SPECC1: variants seen among roughly 807,000 people sequenced by gnomAD.
The protein encoded by SPECC1 is sperm antigen with calponin homology and coiled-coil domains 1.
In SPECC1, 62 loss-of-function variants were observed where a neutral mutation model predicts 104.1. The observed-to-expected ratio is 0.60, with a 90% CI of 0.49 to 0.74. The LOEUF (loss-of-function observed/expected upper bound fraction) is 0.74, where lower values mean the gene tolerates loss of function less well. Among genes scored for constraint, SPECC1 ranks in the 30% least tolerant of loss-of-function variants. The pLI, the probability that SPECC1 is intolerant of heterozygous loss-of-function variation, is 0.00. For synonymous variants in SPECC1, 513 were observed against 501.6 expected (o/e 1.02, Z -0.30); for missense variants, 1,306 against 1,310.5 (o/e 1.00, Z 0.05).
At chr17:20,236,603 T>A (rs981163481) in intron 7 of SPECC1, among the ~76,000 whole-genome samples, 2 of 112,898 alleles carry the variant, frequency 1.8e-5, no homozygotes, top group Non-Finnish European at 3.4e-5. Context: ...CACACAGTTC[T>A]TTGCTGGAGA....
intron 7 of SPECC1, chr17:20,236,770 T>A: frequency 6.5e-7 from 1 of 1,546,740 alleles, no homozygotes; most frequent in Non-Finnish European, 8.9e-7. Flanking sequence ...TGGGACAGTG[T>A]AAGCTGGAAA....
At chr17:20,046,284 C>A (rs1357833425) in intron 1 of SPECC1, among the ~76,000 whole-genome samples, 1 of 152,022 alleles carries the variant, frequency 6.6e-6, no homozygotes, top group Non-Finnish European at 1.5e-5. Context: ...ATTATTTTTA[C>A]ATTATTAATT....
chr17:20,132,195 T>A (rs192006106), intron 3 of SPECC1, among the ~76,000 whole-genome samples: 1 of 152,242 alleles, frequency 6.6e-6, no homozygotes, highest in Non-Finnish European at 1.5e-5. Context: ...TAGATTACAT[T>A]GACTGATTTT....
chr17:20,087,296 G>GT (rs1159372545), intron 1 of SPECC1, among the ~76,000 whole-genome samples: 4 of 152,296 alleles, frequency 2.6e-5, no homozygotes, highest in African/African-American at 7.2e-5. Context: ...AAGCATGACT[G>GT]TGAGTTAAGA....
intron 3 of SPECC1, among the ~76,000 whole-genome samples, chr17:20,176,607 C>A (rs1220508808): frequency 6.6e-6 from 1 of 152,186 alleles, no homozygotes; most frequent in Non-Finnish European, 1.5e-5. Context: ...TGTGTTCCTT[C>A]TGGAGGCTTC....
chr17:20,314,286 T>C lies in SPECC1; in HGVS notation c.*221T>C. 3 of 572,348 alleles carry C rather than the reference T, an allele frequency of 5.2e-6. No homozygotes were observed. The highest frequency in any genetic ancestry group is 9.5e-6 in the Non-Finnish European group (3 of 315,638). 35.5% of individuals were successfully genotyped at this position (572,348 alleles called of 1,614,324 possible). Reference sequence around the variant, plus strand: ...AGCTGGACTGTAAATTGGGGACTCTTTGATCTCTTGTGGGATGCTTCTAAA... The same window carrying C: ...AGCTGGACTGTAAATTGGGGACTCTCTGATCTCTTGTGGGATGCTTCTAAA... On this transcript the variant is annotated 3_prime_UTR_variant, in exon 15 of 15. Transcript: ENST00000395527.
intron 2 of SPECC1, among the ~76,000 whole-genome samples, chr17:20,106,092 G>A (rs2048184422): frequency 6.6e-6 from 1 of 152,188 alleles, no homozygotes; most frequent in African/African-American, 2.4e-5. Context: ...CACCGTGTAT[G>A]GCTTGCGTTA....
chr17:20,154,312 T>A (rs2032268075), intron 3 of SPECC1, among the ~76,000 whole-genome samples: 1 of 152,156 alleles, frequency 6.6e-6, no homozygotes, highest in Non-Finnish European at 1.5e-5. Context: ...TACTATTTAA[T>A]GTGGTGCGAT....
At chr17:20,189,994 C>T (rs1308284488) in intron 3 of SPECC1, among the ~76,000 whole-genome samples, 1 of 151,648 alleles carries the variant, frequency 6.6e-6, no homozygotes, top group African/African-American at 2.4e-5. Context: ...GTTTTTTTCC[C>T]TCCATTTGAT....
rs1037747821 is a variant in SPECC1 at position 20,113,278 on chromosome 17, A to G, written c.283+2716A>G. ...ACCTGGTTTTATGACCAGGAATAGT[A>G]TCTATTACATTTGCTTTTAAATAGG... On this transcript the variant is annotated intron_variant, in intron 3 of 14. Coordinates refer to ENST00000395527, the MANE Select transcript of SPECC1 (RefSeq NM_001243439.2). Among the ~76,000 whole-genome samples, 17 of 152,276 alleles carry G rather than the reference A, an allele frequency of 1.1e-4. No homozygotes were observed. The South Asian group carries it at 2.1e-3, about 19-fold the overall frequency.
At chr17:20,256,655 CTATAAA>C (rs1421968869) in intron 10 of SPECC1, among the ~76,000 whole-genome samples, 2 of 152,158 alleles carry the variant, frequency 1.3e-5, no homozygotes, top group Non-Finnish European at 2.9e-5. Flanking sequence ...CCAGTTTCCT[CTATAAA>C]TATAAACTAG....
chr17:20,212,543 T>G, intron 4 of SPECC1, among the ~76,000 whole-genome samples: 1 of 152,152 alleles, frequency 6.6e-6, no homozygotes, highest in South Asian at 2.1e-4. Flanking sequence ...CTCGTGAGAC[T>G]TATACTGTCA....
chr17:20,104,022 G>A (rs2048067664), intron 2 of SPECC1, among the ~76,000 whole-genome samples: 1 of 152,212 alleles, frequency 6.6e-6, no homozygotes, highest in Non-Finnish European at 1.5e-5. Context: ...CCTAGGCTAT[G>A]AGTGGTGGCA....
intron 12 of SPECC1, among the ~76,000 whole-genome samples, chr17:20,279,489 A>C (rs1019010372): frequency 2.6e-5 from 4 of 151,592 alleles, no homozygotes; most frequent in African/African-American, 9.7e-5. Context: ...TGCCCGGCTA[A>C]TTTTGTATTT....
At chr17:20,179,134 T>C (rs2034683632) in intron 3 of SPECC1, among the ~76,000 whole-genome samples, 1 of 152,160 alleles carries the variant, frequency 6.6e-6, no homozygotes, top group South Asian at 2.1e-4. Context: ...GTTGAGTTGC[T>C]GTGAAATTGT....
At chr17:20,282,470 T>A (rs1384565288) in intron 12 of SPECC1, among the ~76,000 whole-genome samples, 1 of 152,202 alleles carries the variant, frequency 6.6e-6, no homozygotes, top group African/African-American at 2.4e-5. Flanking sequence ...TCCAAATTAG[T>A]CTCTAAATTT....
At position 20,093,552 on chromosome 17, in the gene SPECC1, G is replaced by C. The variant is rs1212148237; in HGVS notation, c.-21-3079G>C. On this transcript the variant is annotated intron_variant, in intron 1 of 14. Coordinates refer to ENST00000395527, the MANE Select transcript of SPECC1 (RefSeq NM_001243439.2). ...TGAACTGGCTTCAGAGAGCCAGGCTGAGGGGCTGAGATGACGGGAGGGATG... is the reference window on the plus strand; with the variant it reads ...TGAACTGGCTTCAGAGAGCCAGGCTCAGGGGCTGAGATGACGGGAGGGATG... Among the ~76,000 whole-genome samples, 5 of 152,152 alleles carry C rather than the reference G, an allele frequency of 3.3e-5. No individual in the cohort carries two copies. The East Asian group carries it at 9.6e-4, about 29-fold the overall frequency.
intron 1 of SPECC1, among the ~76,000 whole-genome samples, chr17:20,081,249 G>T (rs138714640): frequency 6.6e-6 from 1 of 152,234 alleles, no homozygotes; most frequent in African/African-American, 2.4e-5. Flanking sequence ...GTGGTGTTTG[G>T]TTTTGTCCAT....
At chr17:20,192,159 G>A (rs1460846693) in intron 3 of SPECC1, among the ~76,000 whole-genome samples, 1 of 151,804 alleles carries the variant, frequency 6.6e-6, no homozygotes, top group Non-Finnish European at 1.5e-5. Context: ...CCTTGAGACA[G>A]GGGTCTCAAG....
Sources: allele counts gnomAD v4.1 joint callset (sites outside exome capture counted in the v4.1 genomes callset), GRCh38; gene constraint gnomAD v4.1.1; transcripts MANE v1.5; gene names NCBI Gene and HGNC (gene_info 2026-07-23, HGNC 2026-07-21).